Variants in SDHC observed in about 807,000 individuals in gnomAD.
SDHC encodes the protein succinate dehydrogenase complex subunit C.
A neutral mutation model predicts 22.6 loss-of-function variants in SDHC; 11 were observed. The observed-to-expected ratio is 0.49, with a 90% CI of 0.31 to 0.81. SDHC has a LOEUF of 0.81. Among genes scored for constraint, SDHC ranks in the 30% least tolerant of loss-of-function variants. The pLI is 0.05. For synonymous variants in SDHC, 80 were observed against 77.8 expected (o/e 1.03, Z -0.15); for missense variants, 160 against 212.0 (o/e 0.75, Z 1.52).
intron 4 of SDHC, among the ~76,000 whole-genome samples, chr1:161,350,228 T>A (rs1672055717): frequency 6.6e-6 from 1 of 152,088 alleles, no homozygotes; most frequent in African/African-American, 2.4e-5. Context: ...AACAATTTTT[T>A]AAAAATGGAG....
chr1:161,321,375 G>A (rs1670830095), intron 1 of SDHC, among the ~76,000 whole-genome samples: 2 of 152,190 alleles, frequency 1.3e-5, no homozygotes, highest in African/African-American at 4.8e-5. Flanking sequence ...TGGCATTTGT[G>A]CAGCTAGTTT....
intron 4 of SDHC, among the ~76,000 whole-genome samples, chr1:161,351,055 G>A (rs539010329): frequency 2.2e-4 from 34 of 152,202 alleles, no homozygotes; most frequent in Non-Finnish European, 4.1e-4. Context: ...GTCCAAAGGA[G>A]AGAGGCATTG....
intron 1 of SDHC, among the ~76,000 whole-genome samples, chr1:161,322,685 G>A (rs1292876366): frequency 2.0e-5 from 3 of 151,518 alleles, no homozygotes; most frequent in Admixed American, 6.6e-5. Context: ...TCCCACCTCA[G>A]CCTCCAGAGT....
At chr1:161,355,514 A>C (rs1327454087) in intron 4 of SDHC, among the ~76,000 whole-genome samples, 1 of 152,148 alleles carries the variant, frequency 6.6e-6, no homozygotes, top group Non-Finnish European at 1.5e-5. Context: ...CATCTGTGAA[A>C]CCACTGCCTA....
At chr1:161,326,730 A>C (rs1371342346) in intron 2 of SDHC, 1 of 150,106 alleles carries the variant, frequency 6.7e-6, no homozygotes, top group African/African-American at 2.5e-5. Flanking sequence ...AGTTCAAGTG[A>C]TTATCCTGCC....
At chr1:161,338,361 A>G (rs1671575815) in intron 3 of SDHC, among the ~76,000 whole-genome samples, 1 of 152,142 alleles carries the variant, frequency 6.6e-6, no homozygotes, top group Non-Finnish European at 1.5e-5. Flanking sequence ...AGATCTTTTT[A>G]ACCTCTTTAT....
At chr1:161,328,519 A>G (rs763153272) in intron 3 of SDHC, 22 bp downstream of exon 3, 1 of 1,501,408 alleles carries the variant, frequency 6.7e-7, no homozygotes, top group Non-Finnish European at 9.3e-7. Flanking sequence ...TTCTGGAGCC[A>G]GAGAATCTAG....
intron 5 of SDHC, among the ~76,000 whole-genome samples, 153 bp downstream of exon 5, chr1:161,356,993 C>G (rs562184679): frequency 6.6e-6 from 1 of 151,206 alleles, no homozygotes; most frequent in Non-Finnish European, 1.5e-5. Context: ...TGCAGTGGTG[C>G]GATCTCAGCT....
chr1:161,356,573 AAAATG>A (rs1410240561), intron 4 of SDHC, 99 bp from the exon 5 acceptor site: 14 of 1,179,362 alleles, frequency 1.2e-5, no homozygotes, highest in Non-Finnish European at 1.8e-5. Flanking sequence ...TCTCCATTTC[AAAATG>A]GTTTAGAATT....
chr1:161,327,618 A>G (rs906201067), intron 2 of SDHC, among the ~76,000 whole-genome samples: 1 of 151,950 alleles, frequency 6.6e-6, no homozygotes, highest in African/African-American at 2.4e-5. Flanking sequence ...CTGGAGTGCA[A>G]TGGTGTGATC....
chr1:161,339,215 C>T (rs1163476469), intron 3 of SDHC, among the ~76,000 whole-genome samples: 2 of 152,112 alleles, frequency 1.3e-5, no homozygotes, highest in Non-Finnish European at 2.9e-5. Context: ...CTGTCTCTCT[C>T]TCCCCAACCC....
At chr1:161,356,011 C>T (rs933426762) in intron 4 of SDHC, among the ~76,000 whole-genome samples, 1 of 150,522 alleles carries the variant, frequency 6.6e-6, no homozygotes, top group East Asian at 1.9e-4. Flanking sequence ...AAAAGAGAAC[C>T]TAATTTTTTT....
chr1:161,360,370 C>T (rs1336414331), intron 5 of SDHC, among the ~76,000 whole-genome samples: 3 of 143,704 alleles, frequency 2.1e-5, no homozygotes, highest in Non-Finnish European at 3.0e-5. Context: ...GCCTGGGCAA[C>T]GTGGCAAAAC....
intron 2 of SDHC, among the ~76,000 whole-genome samples, chr1:161,328,166 G>A (rs1356761433): frequency 1.3e-5 from 2 of 151,936 alleles, no homozygotes; most frequent in African/African-American, 2.4e-5. Flanking sequence ...ACCACATCTG[G>A]CTAATTTGTA....
intron 3 of SDHC, chr1:161,339,559 C>G: frequency 8.0e-7 from 1 of 1,255,006 alleles, no homozygotes; most frequent in Non-Finnish European, 1.0e-6. Context: ...TTTTTTTTCT[C>G]AGCCCTATCA....
intron 4 of SDHC, among the ~76,000 whole-genome samples, chr1:161,341,124 G>C (rs560245119): frequency 1.4e-4 from 22 of 152,312 alleles, no homozygotes; most frequent in African/African-American, 5.3e-4. Context: ...ACAGACATGA[G>C]CCACTGTGCC....
chr1:161,332,008 T>G (rs1671294894), intron 3 of SDHC, among the ~76,000 whole-genome samples: 1 of 152,004 alleles, frequency 6.6e-6, no homozygotes, highest in South Asian at 2.1e-4. Flanking sequence ...AGGGTTTCAC[T>G]GTGCCACCCA....
At chr1:161,333,160 A>AT (rs1297582862) in intron 3 of SDHC, among the ~76,000 whole-genome samples, 1 of 152,222 alleles carries the variant, frequency 6.6e-6, no homozygotes, top group Non-Finnish European at 1.5e-5. Flanking sequence ...GTTTTAGCAT[A>AT]TATCAGTGCT....
rs201473466 is a variant in SDHC at position 161,340,583 on chromosome 1, T to G, written c.180-11T>G. On this transcript the variant is annotated splice_polypyrimidine_tract_variant and intron_variant, in intron 3 of 5. Transcript: ENST00000367975. ...TCCTTTTTAAAATTGTCTTTGTGTGTTTCTTTACAGTTGGTCTCTTCCCAT... is the reference window on the plus strand; with the variant it reads ...TCCTTTTTAAAATTGTCTTTGTGTGGTTCTTTACAGTTGGTCTCTTCCCAT... The G allele has an allele frequency of 6.2e-7, 1 of 1,613,002 alleles. No homozygotes were observed. Among genetic ancestry groups the G allele is most frequent in the Non-Finnish European group, 8.5e-7 (1 of 1,178,998 alleles).
Sources: gnomAD v4.1 joint callset for allele counts (sites outside exome capture counted in the v4.1 genomes callset) on GRCh38, gnomAD v4.1.1 for gene constraint, MANE v1.5 for transcripts, NCBI Gene and HGNC (gene_info 2026-07-23, HGNC 2026-07-21) for gene names.